CCDC38: variants seen among roughly 807,000 people sequenced by gnomAD.
CCDC38 encodes coiled-coil domain containing 38.
A neutral mutation model predicts 72.8 loss-of-function variants in CCDC38; 69 were observed. The observed-to-expected ratio is 0.95, with a 90% CI of 0.78 to 1.16. The LOEUF is 1.16. CCDC38 is among the 50% of genes most tolerant of loss of function. CCDC38 has a pLI of 0.00. For missense variants in CCDC38, 626 were observed against 638.9 expected, an observed-to-expected ratio of 0.98 and a Z score of 0.22; for synonymous variants, 201 against 213.2, an observed-to-expected ratio of 0.94 and a Z score of 0.50.
intron 4 of CCDC38, among the ~76,000 whole-genome samples, chr12:95,908,329 GCGCGCGCCTGCAA>G (rs1419767165): frequency 2.7e-5 from 4 of 150,056 alleles, no homozygotes; most frequent in Admixed American, 2.7e-4. Flanking sequence ...AGGCGTGGCG[GCGCGCGCCTGCAA>G]TCGCAGGCAC....
rs559914920 is a variant in CCDC38 at position 95,907,821 on chromosome 12, G to A, written c.305-1370C>T. On this transcript the variant is annotated intron_variant, in intron 4 of 15. Transcript: ENST00000344280. ...CCGGACGGGGCGACAGGGCAGAGGC[G>A]CTCCCCACATCTCAGACGATGGGTG... 6.2e-3 allele frequency among the ~76,000 whole-genome samples: 912 copies of A among 146,054 alleles called. 9 individuals are homozygous for A. Among genetic ancestry groups the A allele is most frequent in the African/African-American group, 0.022 (854 of 38,836 alleles).
intron 2 of CCDC38, among the ~76,000 whole-genome samples, chr12:95,923,318 T>C (rs2136726972): frequency 6.6e-6 from 1 of 152,260 alleles, no homozygotes; most frequent in East Asian, 1.9e-4. Flanking sequence ...TCTGGAGAGT[T>C]CTGCCTAATA....
In CCDC38 at chr12:95,936,328, A is replaced by G. The variant is rs1252610346; in HGVS notation, c.37+145T>C. On this transcript the variant is annotated intron_variant, in intron 2 of 15. Transcript: ENST00000344280. ...TTTTTTTTTTGAATTAAAAAGTAGA[A>G]CAGAATCTTCTCTGCAGGTAGTTTA... The G allele has an allele frequency of 7.0e-6, 5 of 716,984 alleles. No individual in the cohort carries two copies. The African/African-American group carries it at 7.3e-5, about 11-fold the overall frequency. 44.4% of individuals were successfully genotyped at this position (716,984 alleles called of 1,614,324 possible). A position where few individuals can be genotyped will look rare whatever the true frequency, so the allele number is the denominator to read the frequency against.
intron 3 of CCDC38, among the ~76,000 whole-genome samples, 185 bp downstream of exon 3, chr12:95,918,691 T>C (rs2080171753): frequency 6.6e-6 from 1 of 152,230 alleles, no homozygotes; most frequent in Admixed American, 6.5e-5. Context: ...ATCTTTGTGC[T>C]GCCTACTGTC....
At chr12:95,932,209 G>C (rs1274423048) in intron 2 of CCDC38, among the ~76,000 whole-genome samples, 2 of 152,134 alleles carry the variant, frequency 1.3e-5, no homozygotes, top group Non-Finnish European at 2.9e-5. Context: ...ATTGAGATCA[G>C]ACTAGTTCAG....
chr12:95,914,705 TA>T (rs2136714813), intron 4 of CCDC38, among the ~76,000 whole-genome samples: 1 of 152,336 alleles, frequency 6.6e-6, no homozygotes, highest in East Asian at 1.9e-4. Context: ...TTTTAAAAAT[TA>T]AAATCTAAAT....
intron 2 of CCDC38, among the ~76,000 whole-genome samples, chr12:95,920,591 G>T (rs2080194070): frequency 6.6e-6 from 1 of 152,044 alleles, no homozygotes; most frequent in Non-Finnish European, 1.5e-5. Context: ...AGTAAAAGAA[G>T]CCAGTAACAA....
At chr12:95,874,523 C>G (rs1319902576) in intron 13 of CCDC38, among the ~76,000 whole-genome samples, 1 of 151,992 alleles carries the variant, frequency 6.6e-6, no homozygotes, top group African/African-American at 2.4e-5. Context: ...GAAGGTAATT[C>G]ACATATGAAA....
intron 10 of CCDC38, among the ~76,000 whole-genome samples, chr12:95,884,063 C>G (rs2079730409): frequency 6.6e-6 from 1 of 152,254 alleles, no homozygotes; most frequent in African/African-American, 2.4e-5. Flanking sequence ...TACTCTTATT[C>G]AACATCAAAA....
intron 15 of CCDC38, among the ~76,000 whole-genome samples, chr12:95,868,852 G>C (rs1367565614): frequency 6.6e-5 from 10 of 152,178 alleles, no homozygotes; most frequent in Non-Finnish European, 1.3e-4. Flanking sequence ...TTCTGGTCCT[G>C]ATTGTGCTGC....
Position 95,879,787 on chromosome 12 carries a change from T to G in CCDC38, c.999A>C (p.Ala333=), listed in dbSNP as rs1227351315. 1 of 1,599,286 alleles carries G rather than the reference T, an allele frequency of 6.3e-7. No homozygotes were observed. Among genetic ancestry groups the G allele is most frequent in the Non-Finnish European group, 8.5e-7 (1 of 1,174,146 alleles). The part of the protein sequence containing the change: ...DDEMDVDLEP[A]LYFKEPEELL... ...ACTCCTCTGGTTCCTTGAAATAAAGTGCTGGCTCCTAATTAATCAATAATG... is the reference window on the plus strand; with the variant it reads ...ACTCCTCTGGTTCCTTGAAATAAAGGGCTGGCTCCTAATTAATCAATAATG... The change falls in exon 12 of 16, where the codon GCA becomes GCC. Residue 333 remains alanine, a synonymous_variant. Coordinates refer to ENST00000344280, the MANE Select transcript of CCDC38 (RefSeq NM_182496.3). This position sits in a 1 kb window ranked among gnomAD's most constrained non-coding sequence, Gnocchi z 5.5.
intron 5 of CCDC38, among the ~76,000 whole-genome samples, chr12:95,903,040 T>A (rs1332050060): frequency 6.6e-6 from 1 of 152,180 alleles, no homozygotes; most frequent in Non-Finnish European, 1.5e-5. Context: ...GAACATGGTA[T>A]CACTCTCCAT....
At chr12:95,924,617 G>A (rs1412961356) in intron 2 of CCDC38, among the ~76,000 whole-genome samples, 8 of 151,230 alleles carry the variant, frequency 5.3e-5, no homozygotes, top group Admixed American at 1.3e-4. Context: ...CCTTGCCCAC[G>A]CCTATGTCCT....
upstream of CCDC38, chr12:95,942,929 A>AC (rs11427932): frequency 0.42 from 62,189 of 148,932 alleles, 13,635 homozygotes; most frequent in Admixed American, 0.53. Context: ...TCCCACCCCA[A>AC]CCCCCCGGGC....
intron 4 of CCDC38, among the ~76,000 whole-genome samples, chr12:95,910,302 T>TACACACACACACACACAC (rs141853582): frequency 6.7e-6 from 1 of 148,314 alleles, no homozygotes; most frequent in Non-Finnish European, 1.5e-5. Context: ...CCATTTACAT[T>TACACACACACACACACAC]ACACACACAC....
chr12:95,935,232 A>G (rs1040847033), intron 2 of CCDC38: 1 of 152,318 alleles, frequency 6.6e-6, no homozygotes, highest in Non-Finnish European at 1.5e-5. Context: ...AGCAGATACT[A>G]CTAGTGAACC....
intron 4 of CCDC38, 89 bp downstream of exon 4, chr12:95,917,040 T>G: frequency 1.0e-6 from 1 of 973,342 alleles, no homozygotes; most frequent in Non-Finnish European, 1.5e-6. Context: ...GCATACTGTC[T>G]GTTTTAATCA....
At chr12:95,913,660 A>G (rs1354463639) in intron 4 of CCDC38, among the ~76,000 whole-genome samples, 1 of 152,212 alleles carries the variant, frequency 6.6e-6, no homozygotes, top group African/African-American at 2.4e-5. Flanking sequence ...TGGTGTTGTG[A>G]GAGGAAAATG....
At chr12:95,891,381 T>G (rs533480333) in intron 8 of CCDC38, among the ~76,000 whole-genome samples, 40 of 152,310 alleles carry the variant, frequency 2.6e-4, no homozygotes, top group African/African-American at 9.4e-4. Context: ...GGTCTTGTTC[T>G]GTTACCCAGG....
Sources: gnomAD v4.1 joint callset for allele counts (sites outside exome capture counted in the v4.1 genomes callset) on GRCh38, gnomAD v4.1.1 for gene constraint, Gnocchi (gnomAD v3.1) non-coding constraint, MANE v1.5 for transcripts, NCBI Gene and HGNC (gene_info 2026-07-23, HGNC 2026-07-21) for gene names.